The following FRAS1 variants were observed in gnomAD, a reference collection of about 807,000 sequenced individuals.
The protein encoded by FRAS1 is Fraser extracellular matrix complex subunit 1.
FRAS1 carries 290 observed loss-of-function variants against 435.2 expected under a neutral mutation model. That is an observed-to-expected ratio of 0.67 (90% CI 0.61 to 0.73). The LOEUF (loss-of-function observed/expected upper bound fraction) is 0.73. Among genes scored for constraint, FRAS1 ranks in the 30% least tolerant of loss-of-function variants. The probability of loss-of-function intolerance (pLI) is 0.00; values close to 1 mark genes in which losing one functional copy is unlikely to be tolerated. For missense variants in FRAS1, 4,860 were observed against 5,001.5 expected (o/e 0.97, Z 0.85); for synonymous variants, 1,800 against 1,851.0 (o/e 0.97, Z 0.71).
At chr4:78,306,155 GA>G (rs1728700316) in intron 14 of FRAS1, among the ~76,000 whole-genome samples, 3 of 152,062 alleles carry the variant, frequency 2.0e-5, no homozygotes, top group Admixed American at 1.3e-4. Flanking sequence ...ATTCTGGGTT[GA>G]AAATTCTTTT....
At chr4:78,230,302 G>GT (rs989106210) in intron 2 of FRAS1, among the ~76,000 whole-genome samples, 5 of 152,266 alleles carry the variant, frequency 3.3e-5, no homozygotes, top group Admixed American at 2.0e-4. Context: ...TCACAATTTT[G>GT]TTTTTTAATT....
intron 53 of FRAS1, among the ~76,000 whole-genome samples, chr4:78,474,904 C>T (rs144971266): frequency 6.3e-5 from 2 of 31,728 alleles, no homozygotes; most frequent in Non-Finnish European, 2.3e-4. Context: ...TCATGTCCTT[C>T]CCCCATTGTC....
rs1730017880 is a variant in FRAS1, at chr4:78,333,318, C to G, written c.2184C>G (p.Asn728Lys). The G allele has an allele frequency of 4.3e-6, 7 of 1,612,554 alleles. No individual in the cohort carries two copies. The highest frequency in any genetic ancestry group is 5.9e-6 in the Non-Finnish European group (7 of 1,179,366). The change falls in exon 19 of 74, where the codon AAC becomes AAG. Residue 728 changes from asparagine to lysine, a missense_variant. Transcript: ENST00000512123. The stretch of plus-strand genomic sequence containing the variant: ...GATGTGCAGGGAAAAGCCCACATAA[C>G]TGCACAGACTGTGGGCCTTCCCATG... ...CFRCAGKSPH[N>K]CTDCGPSHVL...
Position 78,464,035 on chromosome 4 carries a change from T to A in FRAS1, c.6778T>A (p.Ser2260Thr). 1 of 1,613,366 alleles carries A rather than the reference T, an allele frequency of 6.2e-7. No individual in the cohort carries two copies. The highest frequency in any genetic ancestry group is 8.5e-7 in the Non-Finnish European group (1 of 1,179,826). Reference protein sequence around the residue: ...HAASPGIQISSFTQADLTSRN... With the variant: ...HAASPGIQISTFTQADLTSRN... The stretch of plus-strand genomic sequence containing the variant: ...CCTTTTTCTAGGTATCCAGATTAGT[T>A]CCTTTACTCAAGCTGATCTGACTTC... The change falls in exon 48 of 74, where the codon TCC (serine) becomes ACC (threonine). Residue 2260 changes from serine (S) to threonine (T), a missense_variant. By Grantham distance (58) the Ser-to-Thr change is moderately conservative. Coordinates refer to ENST00000512123, the MANE Select transcript of FRAS1 (RefSeq NM_025074.7).
intron 10 of FRAS1, 102 bp downstream of exon 10, chr4:78,278,846 A>C: frequency 1.4e-6 from 1 of 736,234 alleles, no homozygotes; most frequent in Non-Finnish European, 2.3e-6. Flanking sequence ...TCATTTGTTC[A>C]ACAAATGTTA....
intron 2 of FRAS1, among the ~76,000 whole-genome samples, chr4:78,192,008 G>T (rs1466188877): frequency 2.0e-5 from 3 of 152,128 alleles, no homozygotes; most frequent in African/African-American, 7.2e-5. Context: ...ACATACGTGT[G>T]CATGTGTCTT....
At chr4:78,178,199 A>T (rs531183128) in intron 2 of FRAS1, among the ~76,000 whole-genome samples, 19 of 152,040 alleles carry the variant, frequency 1.2e-4, no homozygotes, top group Admixed American at 3.3e-4. Context: ...TCCTTTTTTT[A>T]AAAAAATAAA....
chr4:78,497,282 T>C lies in FRAS1; in HGVS notation c.9115+321T>C, dbSNP rs142652757. On this transcript the variant is annotated intron_variant, in intron 60 of 73. Transcript: ENST00000512123. ...TGTAGTTCAGGAGCAGGATTGGAAATACAGTTGGAATCAGTGGAATCCAAT... is the reference window on the plus strand; with the variant it reads ...TGTAGTTCAGGAGCAGGATTGGAAACACAGTTGGAATCAGTGGAATCCAAT... 8.7e-4 allele frequency among the ~76,000 whole-genome samples: 132 copies of C among 152,246 alleles called. 1 individual carries two copies. In the Middle Eastern group the frequency reaches 0.024, roughly 27 times the overall value.
intron 28 of FRAS1, 126 bp from the exon 29 acceptor site, chr4:78,387,249 A>ACAT: frequency 4.4e-6 from 3 of 676,108 alleles, no homozygotes; most frequent in Non-Finnish European, 7.5e-6. Flanking sequence ...ACCATAGAAC[A>ACAT]GTTTGGTGCT....
chr4:78,300,435 A>C (rs981177252), intron 14 of FRAS1, among the ~76,000 whole-genome samples: 31 of 152,162 alleles, frequency 2.0e-4, no homozygotes, highest in African/African-American at 7.2e-4. Context: ...CCCTGCCCTC[A>C]TGGAGCTTAC....
At chr4:78,284,229 A>ATTTTTTTTTTTTTTTT (rs11453256) in intron 12 of FRAS1, among the ~76,000 whole-genome samples, 176 bp from the exon 13 acceptor site, 31 of 80,814 alleles carry the variant, frequency 3.8e-4, no homozygotes, top group African/African-American at 1.1e-3. Flanking sequence ...ATTGGAATGT[A>ATTTTTTTTTTTTTTTT]TTTTTTTTTT....
rs1383890164 is a variant in FRAS1 at position 78,065,083 on chromosome 4, T to TATATATATACACAC, written c.77-901_77-900insTATATATACACACA. On this transcript the variant is annotated intron_variant, in intron 1 of 73. Transcript: ENST00000512123. Reference sequence around the variant, plus strand: ...GTATATATATATATATATATATATATACATACACACACACACACTAAATAC... The same window carrying TATATATATACACAC: ...GTATATATATATATATATATATATATATATATATACACACACATACACACACACACACTAAATAC... Among the ~76,000 whole-genome samples the TATATATATACACAC allele has an allele frequency of 3.6e-5, 5 of 140,600 alleles. No individual in the cohort carries two copies. The East Asian group carries it at 1.1e-3, about 30-fold the overall frequency. 92.2% of individuals were successfully genotyped at this position (140,600 alleles called of 152,430 possible). A position where few individuals can be genotyped will look rare whatever the true frequency, so the allele number is the denominator to read the frequency against.
At chr4:78,089,273 C>A (rs1741374730) in intron 2 of FRAS1, among the ~76,000 whole-genome samples, 1 of 100,744 alleles carries the variant, frequency 9.9e-6, no homozygotes, top group Non-Finnish European at 1.8e-5. Flanking sequence ...ACACTGGGGC[C>A]TGTTGTGTGG....
intron 40 of FRAS1, among the ~76,000 whole-genome samples, chr4:78,440,789 C>G (rs2109825651): frequency 6.6e-6 from 1 of 152,294 alleles, no homozygotes. Context: ...AGAACTGGAT[C>G]TATCATTCTC....
intron 59 of FRAS1, among the ~76,000 whole-genome samples, chr4:78,496,321 T>G (rs1720505496): frequency 6.6e-6 from 1 of 152,216 alleles, no homozygotes; most frequent in Non-Finnish European, 1.5e-5. Flanking sequence ...TAAAGGTATC[T>G]TTAGCCTAAC....
At chr4:78,391,034 G>GT (rs894691918) in intron 29 of FRAS1, among the ~76,000 whole-genome samples, 1 of 151,962 alleles carries the variant, frequency 6.6e-6, no homozygotes. Flanking sequence ...ACCTTTTTTG[G>GT]TTTTTTTTGG....
At chr4:78,091,411 T>C (rs1741512842) in intron 2 of FRAS1, among the ~76,000 whole-genome samples, 1 of 152,110 alleles carries the variant, frequency 6.6e-6, no homozygotes, top group Non-Finnish European at 1.5e-5. Flanking sequence ...CTCATGTTAC[T>C]CCTTTTCTTA....
At chr4:78,226,665 G>A (rs1724288142) in intron 2 of FRAS1, among the ~76,000 whole-genome samples, 1 of 151,504 alleles carries the variant, frequency 6.6e-6, no homozygotes, top group Non-Finnish European at 1.5e-5. Context: ...CTTAGGTGTT[G>A]TTTTCTTTAT....
intron 2 of FRAS1, among the ~76,000 whole-genome samples, chr4:78,168,910 G>C (rs1262902570): frequency 6.6e-6 from 1 of 152,066 alleles, no homozygotes; most frequent in African/African-American, 2.4e-5. Context: ...ATCGTATGAG[G>C]GTGCTTTGTG....
Sources: allele counts gnomAD v4.1 joint callset (sites outside exome capture counted in the v4.1 genomes callset), GRCh38; gene constraint gnomAD v4.1.1; transcripts MANE v1.5; gene names NCBI Gene and HGNC (gene_info 2026-07-23, HGNC 2026-07-21).